The following SND1 variants were observed in gnomAD, a reference collection of about 807,000 sequenced individuals.
SND1 encodes the protein staphylococcal nuclease domain-containing protein 1.
SND1 carries 38 observed loss-of-function variants against 121.7 expected under a neutral mutation model. The observed-to-expected ratio is 0.31, with a 90% CI of 0.24 to 0.41. The LOEUF (loss-of-function observed/expected upper bound fraction) is 0.41, where lower values mean the gene tolerates loss of function less well. Among genes scored for constraint, SND1 ranks in the 10% least tolerant of loss-of-function variants. The pLI is 1.00. For synonymous variants in SND1, 401 were observed against 447.4 expected (o/e 0.90, Z 1.31); for missense variants, 868 against 1,184.6 (o/e 0.73, Z 3.92).
intron 10 of SND1, among the ~76,000 whole-genome samples, chr7:127,774,613 CTG>C (rs976225762): frequency 6.7e-6 from 1 of 149,538 alleles, no homozygotes; most frequent in African/African-American, 2.5e-5. Flanking sequence ...GAGTCTTTCT[CTG>C]TCGCCCAGGC....
chr7:128,035,942 G>T (rs1239369297), intron 16 of SND1, among the ~76,000 whole-genome samples: 1 of 152,208 alleles, frequency 6.6e-6, no homozygotes, highest in Non-Finnish European at 1.5e-5. Context: ...GCCTCATAGG[G>T]TGTTCCAGGA....
intron 16 of SND1, among the ~76,000 whole-genome samples, chr7:128,065,012 A>G (rs1793289331): frequency 6.6e-6 from 1 of 152,212 alleles, no homozygotes. Flanking sequence ...GGGGCTGGCA[A>G]TGTGCAGAGT....
intron 10 of SND1, among the ~76,000 whole-genome samples, chr7:127,784,325 A>G (rs1797774662): frequency 6.6e-6 from 1 of 152,212 alleles, no homozygotes; most frequent in Non-Finnish European, 1.5e-5. Flanking sequence ...GGCCCTTGCT[A>G]ACTTGTCCCC....
chr7:128,003,677 G>A (rs192009672), intron 16 of SND1, among the ~76,000 whole-genome samples: 1 of 152,328 alleles, frequency 6.6e-6, no homozygotes, highest in African/African-American at 2.4e-5. Context: ...CCATATATGA[G>A]GAAATGCAAC....
At chr7:127,989,900 A>AAT (rs2116914975) in intron 15 of SND1, among the ~76,000 whole-genome samples, 1 of 152,336 alleles carries the variant, frequency 6.6e-6, no homozygotes, top group South Asian at 2.1e-4. Flanking sequence ...GTTAGTGGTA[A>AAT]ATATACTTGC....
chr7:127,872,339 C>T (rs1294384986), intron 12 of SND1, among the ~76,000 whole-genome samples: 2 of 152,088 alleles, frequency 1.3e-5, no homozygotes, highest in Non-Finnish European at 2.9e-5. Flanking sequence ...GAAACAGGCT[C>T]AGAATTGCTT....
chr7:127,763,614 T>C (rs1334971815), intron 10 of SND1, among the ~76,000 whole-genome samples: 4 of 152,206 alleles, frequency 2.6e-5, no homozygotes, highest in Non-Finnish European at 4.4e-5. Context: ...AATAATAATA[T>C]GATACTTGTT....
rs755005284 is a variant in SND1, at chr7:127,652,203, T to C, written c.-171T>C. 5 of 669,782 alleles carry C rather than the reference T, an allele frequency of 7.5e-6. No homozygotes were observed. The highest frequency in any genetic ancestry group is 6.6e-5 in the Admixed American group (3 of 45,352). The allele number at this position is 669,782 out of a possible 1,614,324, so 41.5% of individuals were successfully genotyped here. A position where few individuals can be genotyped will look rare whatever the true frequency, so the allele number is the denominator to read the frequency against. The stretch of plus-strand genomic sequence containing the variant: ...GCGGCGGAGATCGCGTCTCTTTCGC[T>C]CCGTGTCCCGCTGCTGCTCCTGTGA... On this transcript the variant is annotated 5_prime_UTR_variant, in exon 1 of 24. Coordinates refer to ENST00000354725, the MANE Select transcript of SND1 (RefSeq NM_014390.4).
chr7:128,058,860 C>G (rs911823595), intron 16 of SND1, among the ~76,000 whole-genome samples: 1 of 152,218 alleles, frequency 6.6e-6, no homozygotes, highest in East Asian at 1.9e-4. Flanking sequence ...TAAAACCAGC[C>G]CCTGATTCCT....
intron 10 of SND1, among the ~76,000 whole-genome samples, chr7:127,775,375 G>C (rs1164964305): frequency 2.6e-5 from 3 of 116,448 alleles, no homozygotes; most frequent in Admixed American, 1.1e-4. Flanking sequence ...TTGTGATTAA[G>C]AATGACTTTC....
chr7:127,758,687 T>G (rs536522824), intron 10 of SND1, among the ~76,000 whole-genome samples: 1 of 152,214 alleles, frequency 6.6e-6, no homozygotes, highest in Admixed American at 6.5e-5. Flanking sequence ...TAAACTAATA[T>G]GTAATCCATT....
intron 19 of SND1, 29 bp downstream of exon 19, chr7:128,084,876 T>G (rs1268072154): frequency 1.3e-6 from 2 of 1,576,422 alleles, no homozygotes; most frequent in Non-Finnish European, 1.7e-6. Flanking sequence ...CAAGGCAGAG[T>G]CTTGAGCAGG....
At chr7:127,917,483 T>C (rs1253848070) in intron 14 of SND1, among the ~76,000 whole-genome samples, 1 of 152,142 alleles carries the variant, frequency 6.6e-6, no homozygotes, top group Non-Finnish European at 1.5e-5. Context: ...TAATGTGTGG[T>C]TTTTGTTTGT....
chr7:127,836,301 TGAAAA>T (rs1366904168), intron 11 of SND1, among the ~76,000 whole-genome samples: 1 of 152,184 alleles, frequency 6.6e-6, no homozygotes, highest in African/African-American at 2.4e-5. Context: ...ATTCCATTGA[TGAAAA>T]TGAAATGTAG....
chr7:127,805,960 GCAT>G (rs1481109475), intron 10 of SND1, among the ~76,000 whole-genome samples: 1 of 152,124 alleles, frequency 6.6e-6, no homozygotes, highest in East Asian at 1.9e-4. Context: ...TGTTCTCCTA[GCAT>G]ACTTGATCTT....
chr7:127,887,134 C>T (rs756782259), intron 12 of SND1, among the ~76,000 whole-genome samples: 43 of 152,068 alleles, frequency 2.8e-4, no homozygotes, highest in African/African-American at 1.0e-3. Context: ...GCTGGAACTA[C>T]AGGCATGCAC....
intron 10 of SND1, among the ~76,000 whole-genome samples, chr7:127,777,854 A>AT (rs923902808): frequency 1.2e-4 from 18 of 152,044 alleles, no homozygotes; most frequent in South Asian, 2.1e-4. Context: ...TGATTTTGAG[A>AT]TTTTTTTTAG....
intron 12 of SND1, among the ~76,000 whole-genome samples, chr7:127,851,726 C>G (rs996438395): frequency 6.6e-6 from 1 of 152,138 alleles, no homozygotes; most frequent in African/African-American, 2.4e-5. Flanking sequence ...TTTAATCTAG[C>G]CCATTTTATT....
chr7:127,857,861 C>A (rs1286910850), intron 12 of SND1: 3 of 1,269,770 alleles, frequency 2.4e-6, no homozygotes, highest in Admixed American at 3.4e-5. Flanking sequence ...GTGTAGAGGT[C>A]AAAGTCAATG....
Sources: allele counts gnomAD v4.1 joint callset (sites outside exome capture counted in the v4.1 genomes callset), GRCh38; gene constraint gnomAD v4.1.1; transcripts MANE v1.5; gene names NCBI Gene and HGNC (gene_info 2026-07-23, HGNC 2026-07-21).